The following NF1 variants were observed in gnomAD, a reference collection of about 807,000 sequenced individuals.
The protein encoded by NF1 is neurofibromin.
Under a neutral mutation model 325.7 loss-of-function variants are expected in NF1, and 122 were observed. That is an observed-to-expected ratio of 0.37 (90% CI 0.32 to 0.44). The LOEUF is 0.44. Ranked by LOEUF, NF1 falls within the 20% of genes least tolerant of loss-of-function variation. The pLI, the probability that NF1 is intolerant of heterozygous loss-of-function variation, is 1.00. For missense variants in NF1, 2,140 were observed against 3,415.4 expected (o/e 0.63, Z 9.31); for synonymous variants, 1,091 against 1,186.0 (o/e 0.92, Z 1.65).
At chr17:31,357,405 G>A (rs769638785) in intron 54 of NF1, 36 bp downstream of exon 54, 1 of 1,530,668 alleles carries the variant, frequency 6.5e-7, no homozygotes. Context: ...TCACCTTCGT[G>A]CCTGTCTTTA....
At chr17:31,177,180 A>T (rs1310307735) in intron 5 of NF1, among the ~76,000 whole-genome samples, 1 of 152,074 alleles carries the variant, frequency 6.6e-6, no homozygotes, top group Non-Finnish European at 1.5e-5. Context: ...TCTGGCTGGC[A>T]TCTGGCAGGT....
intron 30 of NF1, chr17:31,251,395 T>C (rs1039938684): frequency 3.0e-5 from 6 of 201,102 alleles, no homozygotes; most frequent in Admixed American, 6.0e-5. Context: ...AAATCATGTG[T>C]TAACCAGCTC....
intron 14 of NF1, among the ~76,000 whole-genome samples, chr17:31,221,176 G>C (rs1486796447): frequency 1.3e-5 from 2 of 151,322 alleles, no homozygotes; most frequent in Non-Finnish European, 3.0e-5. Flanking sequence ...AAGAGTTTGT[G>C]TTTTTTTTAT....
chr17:31,125,640 G>C (rs556784296), intron 1 of NF1, among the ~76,000 whole-genome samples: 1 of 151,836 alleles, frequency 6.6e-6, no homozygotes, highest in African/African-American at 2.4e-5. Flanking sequence ...GGGTTCAAGC[G>C]ATTCTCCTGC....
chr17:31,298,391 T>C (rs1465739939), intron 36 of NF1, among the ~76,000 whole-genome samples: 1 of 152,128 alleles, frequency 6.6e-6, no homozygotes, highest in African/African-American at 2.4e-5. Context: ...AAACGAGTAA[T>C]ATTTAGCATG....
intron 10 of NF1, 62 bp from the exon 11 acceptor site, chr17:31,201,349 A>G (rs952644864): frequency 2.7e-6 from 4 of 1,508,090 alleles, no homozygotes; most frequent in African/African-American, 2.8e-5. Context: ...TTTTGGCTTC[A>G]TTTGTATTAC....
chr17:31,367,790 C>A (rs1477423837), intron 57 of NF1, among the ~76,000 whole-genome samples: 1 of 151,930 alleles, frequency 6.6e-6, no homozygotes, highest in Non-Finnish European at 1.5e-5. Flanking sequence ...TCACTTGAGT[C>A]CAGGAGTTGA....
intron 8 of NF1, chr17:31,182,984 C>T (rs2066165497): frequency 1.8e-6 from 1 of 568,784 alleles, no homozygotes; most frequent in African/African-American, 1.9e-5. Context: ...AAGGATTGCC[C>T]TACTTGAGTT....
chr17:31,188,318 A>T (rs1268410752), intron 8 of NF1, among the ~76,000 whole-genome samples: 1 of 152,250 alleles, frequency 6.6e-6, no homozygotes, highest in Non-Finnish European at 1.5e-5. Context: ...ATGTTTGTGC[A>T]TGTATACACC....
At chr17:31,271,617 G>A (rs2067898370) in intron 36 of NF1, among the ~76,000 whole-genome samples, 1 of 152,020 alleles carries the variant, frequency 6.6e-6, no homozygotes, top group South Asian at 2.1e-4. Flanking sequence ...GAGCGTGGTG[G>A]TGGGCATCTG....
At chr17:31,320,161 A>G (rs1360228114) in intron 36 of NF1, among the ~76,000 whole-genome samples, 1 of 152,138 alleles carries the variant, frequency 6.6e-6, no homozygotes, top group East Asian at 1.9e-4. Flanking sequence ...GTATCTTATA[A>G]TAATATACCA....
intron 2 of NF1, 51 bp downstream of exon 2, chr17:31,156,177 G>T (rs17885980): frequency 6.3e-7 from 1 of 1,599,312 alleles, no homozygotes; most frequent in Non-Finnish European, 8.6e-7. Flanking sequence ...TTTTCTTTTT[G>T]ATTAAAAAGT....
At chr17:31,326,538 C>T (rs1402144100) in intron 37 of NF1, among the ~76,000 whole-genome samples, 1 of 152,100 alleles carries the variant, frequency 6.6e-6, no homozygotes, top group Non-Finnish European at 1.5e-5. Context: ...ATCTCAGCTA[C>T]TTGGAGGCTG....
intron 36 of NF1, among the ~76,000 whole-genome samples, chr17:31,310,876 CAT>C (rs1441924187): frequency 6.6e-6 from 1 of 151,066 alleles, no homozygotes; most frequent in African/African-American, 2.4e-5. Context: ...AAAAGAAAAA[CAT>C]AAATTTAAAC....
At position 31,252,934 on chromosome 17, in the gene NF1, G is replaced by T; in HGVS notation, c.4111-4G>T. On this transcript the variant is annotated splice_region_variant and splice_polypyrimidine_tract_variant and intron_variant, in intron 30 of 57. Coordinates refer to ENST00000358273, the MANE Select transcript of NF1 (RefSeq NM_001042492.3). ...ACTTGTTTGTGCTCATCTCTGTTCT[G>T]TAGGCAACTTGCCACTCCCTACTGA... 2 of 1,613,170 alleles carry T rather than the reference G, an allele frequency of 1.2e-6. No homozygotes were observed. The highest frequency in any genetic ancestry group is 1.7e-6 in the Non-Finnish European group (2 of 1,179,500).
chr17:31,265,197 G>A, intron 35 of NF1, 32 bp from the exon 36 acceptor site: 2 of 1,426,222 alleles, frequency 1.4e-6, no homozygotes. Flanking sequence ...ACAACATAAA[G>A]CCTCATAATT....
chr17:31,350,145 T>A, intron 49 of NF1, 38 bp from the exon 50 acceptor site: 4 of 1,613,082 alleles, frequency 2.5e-6, no homozygotes, highest in Non-Finnish European at 3.4e-6. Flanking sequence ...CACTTGTGAT[T>A]TGTTAAATTT....
At chr17:31,207,483 T>A (rs1478002426) in intron 12 of NF1, among the ~76,000 whole-genome samples, 2 of 152,200 alleles carry the variant, frequency 1.3e-5, no homozygotes, top group African/African-American at 2.4e-5. Flanking sequence ...TTTCTGAGGA[T>A]TGTTTATCTT....
At chr17:31,245,471 TTGCTACCACTTCAGA>T (rs1350048738) in intron 29 of NF1, among the ~76,000 whole-genome samples, 1 of 152,196 alleles carries the variant, frequency 6.6e-6, no homozygotes, top group Non-Finnish European at 1.5e-5. Context: ...CTGAGTAAGA[TTGCTACCACTTCAGA>T]TGCCAATTAC....
Sources: allele counts gnomAD v4.1 joint callset (sites outside exome capture counted in the v4.1 genomes callset), GRCh38; gene constraint gnomAD v4.1.1; transcripts MANE v1.5; gene names NCBI Gene and HGNC (gene_info 2026-07-23, HGNC 2026-07-21).